ERC2: variants seen among roughly 807,000 people sequenced by gnomAD.
The protein encoded by ERC2 is ERC protein 2.
ERC2 carries 42 observed loss-of-function variants against 114.8 expected under a neutral mutation model. That is an observed-to-expected ratio of 0.37 (90% CI 0.29 to 0.47). The LOEUF is 0.47. Ranked by LOEUF, ERC2 falls within the 20% of genes least tolerant of loss-of-function variation. The pLI, the probability that ERC2 is intolerant of heterozygous loss-of-function variation, is 0.99. For synonymous variants in ERC2, 454 were observed against 425.5 expected (o/e 1.07, Z -0.82); for missense variants, 939 against 1,150.7 (o/e 0.82, Z 2.66).
chr3:56,196,100 T>C (rs1463041816), intron 3 of ERC2, among the ~76,000 whole-genome samples: 2 of 152,120 alleles, frequency 1.3e-5, no homozygotes, highest in Admixed American at 6.5e-5. Flanking sequence ...CTTCTGCAGA[T>C]AATCCACACT....
intron 3 of ERC2, among the ~76,000 whole-genome samples, chr3:56,291,531 G>C (rs1046335592): frequency 1.3e-5 from 2 of 152,026 alleles, no homozygotes; most frequent in Non-Finnish European, 2.9e-5. Flanking sequence ...AAAACAATAA[G>C]CTGAACAAGG....
intron 5 of ERC2, among the ~76,000 whole-genome samples, chr3:56,142,632 T>C (rs1426189084): frequency 3.3e-5 from 5 of 152,110 alleles, no homozygotes; most frequent in African/African-American, 1.2e-4. Flanking sequence ...TATAGTCTCT[T>C]GTTCTTTATT....
At chr3:56,409,762 G>A (rs1014386209) in intron 2 of ERC2, among the ~76,000 whole-genome samples, 1 of 152,158 alleles carries the variant, frequency 6.6e-6, no homozygotes, top group African/African-American at 2.4e-5. Context: ...CTGACCCCCA[G>A]CTATACCTTG....
chr3:55,904,759 C>T (rs1163903000), intron 13 of ERC2, among the ~76,000 whole-genome samples: 1 of 152,148 alleles, frequency 6.6e-6, no homozygotes, highest in Non-Finnish European at 1.5e-5. Flanking sequence ...TCCTCAACAC[C>T]CTAGACCACC....
intron 5 of ERC2, among the ~76,000 whole-genome samples, chr3:56,145,799 A>G (rs2081104117): frequency 6.6e-6 from 1 of 152,216 alleles, no homozygotes; most frequent in Admixed American, 6.5e-5. Context: ...ATTCACTGAC[A>G]CTTAATTTAA....
chr3:56,256,938 C>T (rs1208559169), intron 3 of ERC2, among the ~76,000 whole-genome samples: 2 of 152,166 alleles, frequency 1.3e-5, no homozygotes, highest in African/African-American at 4.8e-5. Flanking sequence ...TATAAATTAC[C>T]CAGTCTCAGG....
chr3:55,707,298 G>C (rs2063543144), intron 15 of ERC2, among the ~76,000 whole-genome samples: 1 of 152,156 alleles, frequency 6.6e-6, no homozygotes, highest in African/African-American at 2.4e-5. Context: ...AATAAGCTAA[G>C]TGTGGTGGTG....
At chr3:55,924,007 C>CT (rs1164741034) in intron 13 of ERC2, among the ~76,000 whole-genome samples, 1 of 152,046 alleles carries the variant, frequency 6.6e-6, no homozygotes, top group Non-Finnish European at 1.5e-5. Flanking sequence ...TATTAAAAAC[C>CT]TTATTATTAA....
intron 1 of ERC2, among the ~76,000 whole-genome samples, chr3:56,467,786 G>C (rs2063616329): frequency 6.6e-6 from 1 of 151,540 alleles, no homozygotes; most frequent in Admixed American, 6.6e-5. Flanking sequence ...CCCCACCCCC[G>C]GGCGGGGGCT....
At chr3:55,853,077 G>T (rs2061643181) in intron 14 of ERC2, among the ~76,000 whole-genome samples, 1 of 152,174 alleles carries the variant, frequency 6.6e-6, no homozygotes, top group South Asian at 2.1e-4. Flanking sequence ...CCTGGGTCAG[G>T]GTTGGGGTGG....
intron 14 of ERC2, among the ~76,000 whole-genome samples, chr3:55,844,965 T>C (rs1433032568): frequency 6.6e-6 from 1 of 152,148 alleles, no homozygotes; most frequent in Non-Finnish European, 1.5e-5. Context: ...AGAATGAAAG[T>C]GTTCTACCTC....
chr3:55,556,267 T>C (rs2055598625), intron 17 of ERC2, among the ~76,000 whole-genome samples: 1 of 152,228 alleles, frequency 6.6e-6, no homozygotes, highest in Non-Finnish European at 1.5e-5. Flanking sequence ...TTTCTCTCAC[T>C]GCATGGATAT....
chr3:55,980,851 CTGT>C (rs2070073041), intron 12 of ERC2, among the ~76,000 whole-genome samples: 2 of 152,318 alleles, frequency 1.3e-5, no homozygotes, highest in Non-Finnish European at 2.9e-5. Flanking sequence ...TTCAATTTTG[CTGT>C]TGTTGTTTCT....
At chr3:55,665,780 A>T (rs1414036886) in intron 17 of ERC2, among the ~76,000 whole-genome samples, 1 of 152,184 alleles carries the variant, frequency 6.6e-6, no homozygotes, top group East Asian at 1.9e-4. Context: ...AATGCTGATG[A>T]GAGTTTGCTG....
At chr3:55,767,950 G>A (rs1024157543) in intron 14 of ERC2, among the ~76,000 whole-genome samples, 5 of 152,258 alleles carry the variant, frequency 3.3e-5, no homozygotes, top group Non-Finnish European at 5.9e-5. Flanking sequence ...GGTGGGAGGC[G>A]ATTGGATCAT....
chr3:56,426,072 T>A (rs2061559983), intron 2 of ERC2, among the ~76,000 whole-genome samples: 2 of 152,222 alleles, frequency 1.3e-5, no homozygotes, highest in Middle Eastern at 3.2e-3. Context: ...TGATATTTGT[T>A]CCTTTATCAG....
intron 3 of ERC2, among the ~76,000 whole-genome samples, chr3:56,220,259 T>A (rs1331599191): frequency 6.6e-6 from 1 of 152,182 alleles, no homozygotes; most frequent in Non-Finnish European, 1.5e-5. Context: ...TTCTGTTACG[T>A]CATGCCATTC....
intron 2 of ERC2, among the ~76,000 whole-genome samples, chr3:56,331,146 G>C (rs1459751926): frequency 1.3e-5 from 2 of 152,110 alleles, no homozygotes; most frequent in African/African-American, 4.8e-5. Context: ...ACCTGTCCTT[G>C]CCAGGTCTGC....
At chr3:56,435,335 A>G (rs1352942804) in intron 1 of ERC2, among the ~76,000 whole-genome samples, 188 bp from the exon 2 acceptor site, 1 of 152,216 alleles carries the variant, frequency 6.6e-6, no homozygotes, top group Non-Finnish European at 1.5e-5. Context: ...CTTTACTACT[A>G]CAGGTGAAAG....
Sources: allele counts gnomAD v4.1 joint callset (sites outside exome capture counted in the v4.1 genomes callset), GRCh38; gene constraint gnomAD v4.1.1; transcripts MANE v1.5; gene names NCBI Gene and HGNC (gene_info 2026-07-23, HGNC 2026-07-21).